Variants in TPD52 observed in about 807,000 individuals in gnomAD.
The protein encoded by TPD52 is tumor protein D52.
TPD52 carries 17 observed loss-of-function variants against 31.3 expected under a neutral mutation model. That is an observed-to-expected ratio of 0.54 (90% confidence interval 0.37 to 0.82). The LOEUF (loss-of-function observed/expected upper bound fraction) is 0.82, where lower values mean the gene tolerates loss of function less well. Among genes scored for constraint, TPD52 ranks in the 40% least tolerant of loss-of-function variants. The pLI is 0.00. For missense variants in TPD52, 212 were observed against 240.1 expected (o/e 0.88, Z 0.77); for synonymous variants, 83 against 89.6 (o/e 0.93, Z 0.42).
chr8:80,150,533 G>A (rs13277046), intron 1 of TPD52, among the ~76,000 whole-genome samples: 50,782 of 152,134 alleles, frequency 0.33, 9,915 homozygotes, highest in East Asian at 0.71. Context: ...ACGCCAGCCC[G>A]TGAAAGCAGC....
chr8:80,042,132 T>C, intron 7 of TPD52: 2 of 962,714 alleles, frequency 2.1e-6, no homozygotes, highest in Non-Finnish European at 2.5e-6. Context: ...GCACATAATA[T>C]TGAAAGAGAA....
At chr8:80,171,027 G>A in intron 1 of TPD52, 2 of 465,936 alleles carry the variant, frequency 4.3e-6, no homozygotes, top group Non-Finnish European at 7.9e-6. Flanking sequence ...CCACCTGGAG[G>A]GACGAGAGCG....
chr8:80,110,334 T>C (rs1046858948), intron 1 of TPD52, among the ~76,000 whole-genome samples: 1 of 152,080 alleles, frequency 6.6e-6, no homozygotes, highest in African/African-American at 2.4e-5. Flanking sequence ...GCATACCAGA[T>C]TGTCTCACTG....
intron 1 of TPD52, among the ~76,000 whole-genome samples, chr8:80,144,877 T>A (rs1448340766): frequency 6.6e-6 from 1 of 151,810 alleles, no homozygotes; most frequent in African/African-American, 2.4e-5. Context: ...TCCAGTAAGT[T>A]ATAACAACCA....
intron 3 of TPD52, chr8:80,051,834 T>C: frequency 2.0e-6 from 1 of 502,166 alleles, no homozygotes; most frequent in South Asian, 3.2e-5. Context: ...CACAATCTTC[T>C]GCAGTGCCCT....
chr8:80,165,250 G>A lies in TPD52; in HGVS notation c.19+6175C>T, dbSNP rs77702759. ...ACATGGCAAGGGAAAGCAAACGCTCGCACATGCTGGTGGAAGTATAACTGG... is the reference window on the plus strand; with the variant it reads ...ACATGGCAAGGGAAAGCAAACGCTCACACATGCTGGTGGAAGTATAACTGG... On this transcript the variant is annotated intron_variant, in intron 1 of 7. Coordinates refer to ENST00000518937, the MANE Select transcript of TPD52 (RefSeq NM_001025253.3). Among the ~76,000 whole-genome samples, 421 of 152,304 alleles carry A rather than the reference G, an allele frequency of 2.8e-3. 1 individual carries two copies. Among genetic ancestry groups the A allele is most frequent in the Non-Finnish European group, 4.9e-3 (331 of 68,030 alleles).
intron 7 of TPD52, among the ~76,000 whole-genome samples, chr8:80,039,746 G>T (rs573662377): frequency 1.1e-3 from 172 of 151,860 alleles, no homozygotes; most frequent in Non-Finnish European, 2.1e-3. Flanking sequence ...GTTCTTGGTG[G>T]TCCTCAAAAG....
intron 2 of TPD52, among the ~76,000 whole-genome samples, chr8:80,059,426 A>G (rs922372012): frequency 1.3e-5 from 2 of 148,290 alleles, no homozygotes; most frequent in African/African-American, 4.9e-5. Flanking sequence ...CCCAAAGCTA[A>G]GAGAAGGAAG....
chr8:80,144,606 T>C (rs1329306941), intron 1 of TPD52, among the ~76,000 whole-genome samples: 1 of 152,172 alleles, frequency 6.6e-6, no homozygotes, highest in African/African-American at 2.4e-5. Context: ...TTCTGAATAG[T>C]GGTCTTCCCA....
intron 2 of TPD52, among the ~76,000 whole-genome samples, chr8:80,062,745 G>A (rs995783298): frequency 2.6e-5 from 4 of 152,040 alleles, no homozygotes; most frequent in African/African-American, 9.7e-5. Flanking sequence ...GGAGGATCAC[G>A]TGAGGCCAGG....
intron 6 of TPD52, among the ~76,000 whole-genome samples, chr8:80,043,506 G>A (rs567664638): frequency 6.6e-6 from 1 of 152,216 alleles, no homozygotes; most frequent in African/African-American, 2.4e-5. Flanking sequence ...CAAAGTGTGG[G>A]CCCCAGACCA....
intron 1 of TPD52, among the ~76,000 whole-genome samples, chr8:80,154,746 C>A (rs1162553842): frequency 0.013 from 652 of 50,622 alleles, 8 homozygotes; most frequent in East Asian, 0.04. Flanking sequence ...CACACACACA[C>A]ACACACAAAA....
At chr8:80,066,882 A>G (rs531089639) in intron 1 of TPD52, 4 of 152,376 alleles carry the variant, frequency 2.6e-5, no homozygotes, top group Admixed American at 1.3e-4. Flanking sequence ...AGTAAGAACC[A>G]TAACAGAGCT....
At chr8:80,033,324 G>T (rs1586110355), downstream of TPD52, 1 of 137,974 alleles carries the variant, frequency 7.2e-6, no homozygotes, top group Non-Finnish European at 1.6e-5. Flanking sequence ...GGGTTGGGGG[G>T]GGGACATTGT....
intron 1 of TPD52, among the ~76,000 whole-genome samples, chr8:80,128,433 C>A (rs1446463009): frequency 1.4e-5 from 2 of 142,600 alleles, no homozygotes; most frequent in Non-Finnish European, 3.0e-5. Context: ...GGTGGAAAGA[C>A]TGCTTGAGCT....
chr8:80,051,628 A>G lies in TPD52; in HGVS notation c.285T>C (p.Ala95=), dbSNP rs1396592774. The change falls in exon 4 of 8, where the codon GCT becomes GCC. Residue 95 remains alanine, a splice_region_variant and synonymous_variant. Transcript: ENST00000518937. ...KGWQDVTATS[A]YKKTSETLSQ... ...ATAAGGTTTCAGATGTCTTCTTGTA[A>G]CTATATTAAATTATAAACACACAGA... 1.3e-6 allele frequency: 2 copies of G among 1,593,740 alleles called. No individual in the cohort carries two copies. The highest frequency in any genetic ancestry group is 1.7e-6 in the Non-Finnish European group (2 of 1,173,288).
rs1048633424 is a variant in TPD52 at position 80,070,245 on chromosome 8, C to T, written c.20-5652G>A. ...ACCCACTTAAATGGTTATCTTCCCT[C>T]TAGTTCTTCGTCTTTGACTTTTATT... On this transcript the variant is annotated intron_variant, in intron 1 of 7. Coordinates refer to ENST00000518937, the MANE Select transcript of TPD52 (RefSeq NM_001025253.3). Among the ~76,000 whole-genome samples the T allele has an allele frequency of 5.9e-5, 9 of 152,128 alleles. No homozygotes were observed. The South Asian group carries it at 1.7e-3, about 28-fold the overall frequency.
rs531537582 is a variant in TPD52 at position 80,071,059 on chromosome 8, A to T, written c.20-6466T>A. On this transcript the variant is annotated intron_variant, in intron 1 of 7. Transcript: ENST00000518937. ...GAGATTGGGGTGACATCACTACAGA[A>T]CAAGGAACACCAAGGTCTGCAAGCA... Among the ~76,000 whole-genome samples the T allele has an allele frequency of 3.3e-5, 5 of 152,318 alleles. No individual in the cohort carries two copies. The South Asian group carries it at 1.0e-3, about 32-fold the overall frequency.
At chr8:80,057,794 C>T (rs1177694992) in intron 2 of TPD52, among the ~76,000 whole-genome samples, 1 of 151,992 alleles carries the variant, frequency 6.6e-6, no homozygotes, top group Non-Finnish European at 1.5e-5. Context: ...ACATGTACCC[C>T]CTGAATCTAA....
Sources: allele counts gnomAD v4.1 joint callset (sites outside exome capture counted in the v4.1 genomes callset), GRCh38; gene constraint gnomAD v4.1.1; transcripts MANE v1.5; gene names NCBI Gene and HGNC (gene_info 2026-07-23, HGNC 2026-07-21).